The following ACER3 variants were observed in gnomAD, a reference collection of about 807,000 sequenced individuals.
ACER3 encodes alkaline ceramidase 3.
ACER3 carries 16 observed loss-of-function variants against 48.9 expected under a neutral mutation model. The ratio of observed to expected loss-of-function variants is 0.33; its 90% CI spans 0.22 to 0.50. The LOEUF (loss-of-function observed/expected upper bound fraction) is 0.50. Among genes scored for constraint, ACER3 ranks in the 20% least tolerant of loss-of-function variants. ACER3 has a pLI of 0.98. For missense variants in ACER3, 227 were observed against 326.0 expected (o/e 0.70, Z 2.34); for synonymous variants, 109 against 107.8 (o/e 1.01, Z -0.07).
At chr11:76,988,948 T>A (rs1157823992) in intron 5 of ACER3, among the ~76,000 whole-genome samples, 1 of 152,162 alleles carries the variant, frequency 6.6e-6, no homozygotes, top group Non-Finnish European at 1.5e-5. Flanking sequence ...CTTTATCTGT[T>A]AAATGAAGAA....
intron 2 of ACER3, among the ~76,000 whole-genome samples, chr11:76,927,860 T>C (rs9795229): frequency 0.57 from 86,741 of 151,872 alleles, 27,966 homozygotes; most frequent in Non-Finnish European, 0.74. Context: ...CATTCTATCA[T>C]TGATGGACAT....
intron 1 of ACER3, among the ~76,000 whole-genome samples, chr11:76,924,508 A>AT (rs559030063): frequency 6.8e-4 from 100 of 147,742 alleles, no homozygotes; most frequent in African/African-American, 8.9e-4. Flanking sequence ...CTGGCCAGCT[A>AT]TTTTTTTTTT....
intron 1 of ACER3, among the ~76,000 whole-genome samples, chr11:76,921,332 G>A (rs553522206): frequency 1.3e-5 from 2 of 152,128 alleles, no homozygotes; most frequent in South Asian, 2.1e-4. Flanking sequence ...ATTGTTTATC[G>A]AATTGGGCAG....
chr11:76,925,602 G>A (rs1234678302), intron 1 of ACER3, among the ~76,000 whole-genome samples: 1 of 152,136 alleles, frequency 6.6e-6, no homozygotes, highest in African/African-American at 2.4e-5. Context: ...TGGTCCTTTT[G>A]TAGTCTTGAG....
intron 4 of ACER3, among the ~76,000 whole-genome samples, chr11:76,984,904 G>A (rs1410280646): frequency 6.6e-6 from 1 of 152,148 alleles, no homozygotes; most frequent in Non-Finnish European, 1.5e-5. Flanking sequence ...AGGAAATTAT[G>A]TGGAACCCAA....
intron 2 of ACER3, among the ~76,000 whole-genome samples, chr11:76,932,109 T>C (rs937164520): frequency 6.6e-6 from 1 of 152,010 alleles, no homozygotes; most frequent in African/African-American, 2.4e-5. Context: ...CCACCATGCC[T>C]GGCTAATTTT....
chr11:76,995,857 A>G lies in ACER3; in HGVS notation c.439-2906A>G, dbSNP rs550433623. 3.3e-5 allele frequency among the ~76,000 whole-genome samples: 5 copies of G among 152,286 alleles called. No homozygotes were observed. In the South Asian group the frequency reaches 6.2e-4, roughly 19 times the overall value. On this transcript the variant is annotated intron_variant, in intron 6 of 10. Coordinates refer to ENST00000532485, the MANE Select transcript of ACER3 (RefSeq NM_018367.7). ...TAATCCATCATTTCGTATGCTCAAC[A>G]TATTCCCTGGGAAATTCATTCCCTT...
chr11:76,963,959 C>T (rs1032802673), intron 3 of ACER3, among the ~76,000 whole-genome samples: 5 of 151,408 alleles, frequency 3.3e-5, no homozygotes, highest in Admixed American at 3.3e-4. Context: ...GAGTGCCGGA[C>T]ATTGGGTGCA....
At chr11:76,970,940 C>T (rs554331657) in intron 3 of ACER3, among the ~76,000 whole-genome samples, 11 of 152,198 alleles carry the variant, frequency 7.2e-5, no homozygotes, top group Admixed American at 1.3e-4. Context: ...TTGCCCATTC[C>T]GGACATTTCA....
intron 1 of ACER3, among the ~76,000 whole-genome samples, chr11:76,894,707 G>T (rs561165269): frequency 6.6e-6 from 1 of 152,204 alleles, no homozygotes; most frequent in Non-Finnish European, 1.5e-5. Context: ...TCATGAAAGT[G>T]TATGGAAAAT....
intron 3 of ACER3, among the ~76,000 whole-genome samples, chr11:76,965,144 C>T (rs977056931): frequency 6.6e-6 from 1 of 151,268 alleles, no homozygotes; most frequent in Non-Finnish European, 1.5e-5. Flanking sequence ...AACCACGGCA[C>T]GAGAACTACG....
intron 1 of ACER3, among the ~76,000 whole-genome samples, chr11:76,871,404 A>G (rs951294468): frequency 6.6e-6 from 1 of 152,198 alleles, no homozygotes; most frequent in Non-Finnish European, 1.5e-5. Flanking sequence ...TTAGATGTCA[A>G]TCAGTACATG....
intron 2 of ACER3, among the ~76,000 whole-genome samples, chr11:76,927,576 A>G (rs914215009): frequency 5.3e-5 from 8 of 152,100 alleles, no homozygotes; most frequent in Non-Finnish European, 1.2e-4. Context: ...CGTCATTTAC[A>G]TTAGGTATAT....
At chr11:76,936,559 C>A (rs1179439568) in intron 2 of ACER3, among the ~76,000 whole-genome samples, 2 of 151,954 alleles carry the variant, frequency 1.3e-5, no homozygotes, top group Non-Finnish European at 2.9e-5. Context: ...ATAAAAAAAA[C>A]TTTTGTTATA....
chr11:76,896,723 ACT>A (rs1388230749), intron 1 of ACER3, among the ~76,000 whole-genome samples: 1 of 152,034 alleles, frequency 6.6e-6, no homozygotes, highest in Non-Finnish European at 1.5e-5. Context: ...TTTTTCTCAA[ACT>A]TTTTGCTTTC....
rs1366763255 is a variant in ACER3 at position 77,023,360 on chromosome 11, C to T, written c.*3033C>T. 4 of 387,630 alleles carry T rather than the reference C, an allele frequency of 1.0e-5. No individual in the cohort carries two copies. The highest frequency in any genetic ancestry group is 1.8e-5 in the Non-Finnish European group (4 of 219,136). The allele number at this position is 387,630 out of a possible 1,614,324, so 24.0% of individuals were successfully genotyped here. A position where few individuals can be genotyped will look rare whatever the true frequency, so the allele number is the denominator to read the frequency against. On this transcript the variant is annotated 3_prime_UTR_variant, in exon 11 of 11. Transcript: ENST00000532485. ...GTTCAAAGAAAATTAAGAGACAAAA[C>T]CTTCAGGTACATAATGCATGAAAAT... is the stretch of plus-strand genomic sequence containing the variant.
At position 77,024,840 on chromosome 11, in the gene ACER3, A is replaced by G. The variant is rs1949527694; in HGVS notation, c.*4513A>G. 1 of 152,222 alleles carries G rather than the reference A, an allele frequency of 6.6e-6. No homozygotes were observed. Among genetic ancestry groups the G allele is most frequent in the African/African-American group, 2.4e-5 (1 of 41,466 alleles). 9.4% of individuals were successfully genotyped at this position (152,222 alleles called of 1,614,324 possible). On this transcript the variant is annotated 3_prime_UTR_variant, in exon 11 of 11. Coordinates refer to ENST00000532485, the MANE Select transcript of ACER3 (RefSeq NM_018367.7). ...AGGCAGCTAGTGTAGAAGACTGGTC[A>G]CAAGAATTTTTTTTTAAATAGAAAA... is the stretch of plus-strand genomic sequence containing the variant.
chr11:76,876,868 ATTG>A (rs1354101523), intron 1 of ACER3, among the ~76,000 whole-genome samples: 1 of 152,084 alleles, frequency 6.6e-6, no homozygotes. Flanking sequence ...TGCACTTTTT[ATTG>A]TTCATATTGT....
chr11:76,942,703 A>G (rs1947368355), intron 2 of ACER3, among the ~76,000 whole-genome samples: 1 of 151,886 alleles, frequency 6.6e-6, no homozygotes, highest in Non-Finnish European at 1.5e-5. Context: ...GGCTTTGTAG[A>G]ATTAAGAAGA....
Sources: allele counts gnomAD v4.1 joint callset (sites outside exome capture counted in the v4.1 genomes callset), GRCh38; gene constraint gnomAD v4.1.1; transcripts MANE v1.5; gene names NCBI Gene and HGNC (gene_info 2026-07-23, HGNC 2026-07-21).